Variants in FOXP2 observed in about 807,000 individuals in gnomAD.
The protein encoded by FOXP2 is forkhead box protein P2.
A neutral mutation model predicts 115.8 loss-of-function variants in FOXP2; 12 were observed. The observed-to-expected ratio is 0.10, with a 90% CI of 0.07 to 0.17. FOXP2 has a LOEUF of 0.17. Ranked by LOEUF, FOXP2 falls within the 10% of genes least tolerant of loss-of-function variation. FOXP2 has a pLI of 1.00. For missense variants in FOXP2, 629 were observed against 843.5 expected (o/e 0.75, Z 3.15); for synonymous variants, 328 against 297.7 (o/e 1.10, Z -1.05).
chr7:114,689,816 G>A lies in FOXP2; in HGVS notation c.2038G>A (p.Ala680Thr), dbSNP rs763629604. The A allele has an allele frequency of 2.5e-6, 4 of 1,613,466 alleles. No individual in the cohort carries two copies. The highest frequency in any genetic ancestry group is 3.4e-6 in the Non-Finnish European group (4 of 1,179,540). Residue 680 changes from alanine (A) to threonine (T), a missense_variant, in exon 17 of 17, where the codon GCA (alanine) becomes ACA (threonine). Ala to Thr is a moderately conservative substitution (Grantham distance 58). Coordinates refer to ENST00000350908, the MANE Select transcript of FOXP2 (RefSeq NM_014491.4). ...CCACGTCAAGGAAGAGCCAGTGATTGCAGAGGATGAAGACTGCCCAATGTC... is the reference window on the plus strand; with the variant it reads ...CCACGTCAAGGAAGAGCCAGTGATTACAGAGGATGAAGACTGCCCAATGTC... ...SIHVKEEPVI[A>T]EDEDCPMSLV...
intron 2 of FOXP2, among the ~76,000 whole-genome samples, chr7:114,394,340 C>T (rs1792686137): frequency 6.6e-6 from 1 of 151,298 alleles, no homozygotes; most frequent in African/African-American, 2.4e-5. Context: ...AAGGTAAATT[C>T]ATTATAAAGT....
chr7:114,477,880 C>A (rs1201670409), intron 2 of FOXP2, among the ~76,000 whole-genome samples: 1 of 151,642 alleles, frequency 6.6e-6, no homozygotes, highest in Non-Finnish European at 1.5e-5. Context: ...AGAATTGATA[C>A]TGTATATATT....
chr7:114,555,812 AAAAC>A (rs1800427838), intron 3 of FOXP2, among the ~76,000 whole-genome samples: 1 of 152,114 alleles, frequency 6.6e-6, no homozygotes. Context: ...AACAAACAAA[AAAAC>A]AAACAAAAAG....
intron 3 of FOXP2, among the ~76,000 whole-genome samples, chr7:114,547,067 T>C: frequency 6.6e-6 from 1 of 152,218 alleles, no homozygotes; most frequent in East Asian, 1.9e-4. Context: ...GAAGCAGATA[T>C]GAATATCATT....
At chr7:114,136,947 T>G (rs578107553) in intron 1 of FOXP2, among the ~76,000 whole-genome samples, 190 of 152,184 alleles carry the variant, frequency 1.2e-3, no homozygotes, top group African/African-American at 4.4e-3. Context: ...AGCTGACTGA[T>G]ATTTGCTAAA....
intron 3 of FOXP2, among the ~76,000 whole-genome samples, chr7:114,555,056 T>G (rs1800392836): frequency 6.6e-6 from 1 of 152,214 alleles, no homozygotes; most frequent in South Asian, 2.1e-4. Flanking sequence ...CAGAGAGGTT[T>G]CACAAGTCAG....
At chr7:114,265,053 C>T (rs767893359) in intron 1 of FOXP2, among the ~76,000 whole-genome samples, 3 of 152,074 alleles carry the variant, frequency 2.0e-5, no homozygotes, top group African/African-American at 4.8e-5. Context: ...GATTTTGCCC[C>T]GGCCCCTCCC....
At chr7:114,654,177 AT>A in intron 10 of FOXP2, 168 bp downstream of exon 10, 1 of 1,460,138 alleles carries the variant, frequency 6.8e-7, no homozygotes, top group Non-Finnish European at 9.1e-7. Flanking sequence ...TTTTAAAGTA[AT>A]GCTATCTTTT....
intron 1 of FOXP2, among the ~76,000 whole-genome samples, chr7:114,093,197 A>G (rs1170474115): frequency 1.3e-5 from 2 of 152,144 alleles, no homozygotes; most frequent in Non-Finnish European, 2.9e-5. Context: ...TATTCCTAAA[A>G]GCAAGATAAG....
intron 2 of FOXP2, among the ~76,000 whole-genome samples, chr7:114,439,129 T>C (rs1366088987): frequency 6.6e-6 from 1 of 152,210 alleles, no homozygotes. Flanking sequence ...TCTCTTGTCA[T>C]ATATTAAATT....
At chr7:114,283,202 C>T (rs1796382715) in intron 1 of FOXP2, among the ~76,000 whole-genome samples, 1 of 152,082 alleles carries the variant, frequency 6.6e-6, no homozygotes, top group Admixed American at 6.6e-5. Flanking sequence ...TAGTTAACTA[C>T]CCTGTTTTGA....
At chr7:114,670,335 A>C (rs570551554) in intron 16 of FOXP2, among the ~76,000 whole-genome samples, 2 of 152,226 alleles carry the variant, frequency 1.3e-5, no homozygotes, top group South Asian at 4.1e-4. Context: ...GTGTCATATA[A>C]AATGAGTAAT....
intron 2 of FOXP2, among the ~76,000 whole-genome samples, chr7:114,404,861 A>G (rs1562906672): frequency 6.6e-6 from 1 of 151,042 alleles, no homozygotes; most frequent in East Asian, 1.9e-4. Flanking sequence ...TTACCCTTTT[A>G]TTTTTTTTCT....
rs573797852 is a variant in FOXP2 at position 114,602,235 on chromosome 7, T to A, written c.259-26305T>A. ...ATGCAATTTTTACCATTCTGAAATA[T>A]CCTTAATTCTAATAATTTTTATCTT... On this transcript the variant is annotated intron_variant, in intron 3 of 16. Transcript: ENST00000350908. 3.3e-5 allele frequency among the ~76,000 whole-genome samples: 5 copies of A among 152,216 alleles called. No individual in the cohort carries two copies. The South Asian group carries it at 1.0e-3, about 32-fold the overall frequency.
chr7:114,214,104 A>G (rs1000879206), intron 1 of FOXP2, among the ~76,000 whole-genome samples: 6 of 152,182 alleles, frequency 3.9e-5, no homozygotes, highest in African/African-American at 1.4e-4. Context: ...TAGTGACCAC[A>G]TTTTATACAT....
chr7:114,453,775 C>A (rs932275863), intron 2 of FOXP2, among the ~76,000 whole-genome samples: 1 of 152,064 alleles, frequency 6.6e-6, no homozygotes, highest in African/African-American at 2.4e-5. Flanking sequence ...GGAAAGGATT[C>A]CCTATTTAAT....
intron 2 of FOXP2, among the ~76,000 whole-genome samples, chr7:114,449,783 C>T (rs192184787): frequency 6.6e-6 from 1 of 152,012 alleles, no homozygotes; most frequent in African/African-American, 2.4e-5. Flanking sequence ...TTTGAAATTG[C>T]TATATGCATA....
At chr7:114,470,128 A>G (rs1008721266) in intron 2 of FOXP2, among the ~76,000 whole-genome samples, 10 of 152,194 alleles carry the variant, frequency 6.6e-5, no homozygotes, top group Non-Finnish European at 1.5e-4. Context: ...GTTAGAAACA[A>G]CCTACAAAAG....
rs375082913 is a variant in FOXP2, at chr7:114,445,516, T to C, written c.168+18837T>C. On this transcript the variant is annotated intron_variant, in intron 2 of 16. Coordinates refer to ENST00000350908, the MANE Select transcript of FOXP2 (RefSeq NM_014491.4). ...TTTGGATTTTATTTAAAATCAAAGA[T>C]TGTAGAATAAAAAGCTGAGCAGCTG... is the stretch of plus-strand genomic sequence containing the variant. 1.6e-4 allele frequency among the ~76,000 whole-genome samples: 25 copies of C among 152,288 alleles called. No individual in the cohort carries two copies. In the East Asian group the frequency reaches 1.7e-3, roughly 11 times the overall value.
Sources: allele counts gnomAD v4.1 joint callset (sites outside exome capture counted in the v4.1 genomes callset), GRCh38; gene constraint gnomAD v4.1.1; transcripts MANE v1.5; gene names NCBI Gene and HGNC (gene_info 2026-07-23, HGNC 2026-07-21).